Variants in CHST9 observed in about 807,000 individuals in gnomAD.
The protein encoded by CHST9 is carbohydrate sulfotransferase 9.
In CHST9, 41 loss-of-function variants were observed where a neutral mutation model predicts 44.4. The ratio of observed to expected loss-of-function variants is 0.92; its 90% confidence interval spans 0.72 to 1.20. CHST9 has a LOEUF of 1.20. Ranked by LOEUF, CHST9 falls within the 50% of genes most tolerant of loss-of-function variation. The pLI, the probability that CHST9 is intolerant of heterozygous loss-of-function variation, is 0.00. For missense variants in CHST9, 504 were observed against 516.5 expected (o/e 0.98, Z 0.23); for synonymous variants, 171 against 178.4 (o/e 0.96, Z 0.33).
At chr18:27,005,786 C>T (rs745761167) in intron 4 of CHST9, among the ~76,000 whole-genome samples, 9 of 152,078 alleles carry the variant, frequency 5.9e-5, no homozygotes, top group Non-Finnish European at 2.9e-5. Context: ...AGCTACGAAC[C>T]TTCTTCTTCC....
chr18:27,134,243 A>G (rs1889248307), intron 2 of CHST9, among the ~76,000 whole-genome samples: 1 of 152,206 alleles, frequency 6.6e-6, no homozygotes, highest in Non-Finnish European at 1.5e-5. Context: ...TATGCCAAAA[A>G]TATGCTTCAA....
intron 2 of CHST9, among the ~76,000 whole-genome samples, chr18:27,114,886 C>G (rs1460152707): frequency 6.6e-6 from 1 of 152,112 alleles, no homozygotes; most frequent in Admixed American, 6.5e-5. Flanking sequence ...TTGGCTGTGT[C>G]CCCACCCAAA....
At chr18:27,010,585 A>C (rs1477184791) in intron 4 of CHST9, among the ~76,000 whole-genome samples, 1 of 152,192 alleles carries the variant, frequency 6.6e-6, no homozygotes, top group African/African-American at 2.4e-5. Context: ...ATGAGGAACG[A>C]AACTGCTCTG....
rs140508342 is a variant in CHST9, at chr18:26,919,939, G to A, written c.241-2589C>T. 2.3e-3 allele frequency among the ~76,000 whole-genome samples: 355 copies of A among 152,210 alleles called. 1 individual carries two copies. The highest frequency in any genetic ancestry group is 3.1e-3 in the Non-Finnish European group (211 of 68,002). ...AGGGAGTGATTTCCCTGCAGCCCAC[G>A]GCTGCTTCCAGGACATCACCCAGCA... On this transcript the variant is annotated intron_variant, in intron 5 of 5. Transcript: ENST00000618847.
chr18:26,946,444 G>A (rs927880662), intron 4 of CHST9, among the ~76,000 whole-genome samples: 6 of 152,320 alleles, frequency 3.9e-5, no homozygotes, highest in Middle Eastern at 3.4e-3. Context: ...GGCATAGTGT[G>A]AGAGAGGCTA....
chr18:26,947,752 T>C (rs2056186326), intron 4 of CHST9, among the ~76,000 whole-genome samples: 1 of 152,064 alleles, frequency 6.6e-6, no homozygotes, highest in South Asian at 2.1e-4. Context: ...GAACAACAGG[T>C]GCTGGAGATA....
At chr18:27,053,603 GT>G (rs1162547521) in intron 2 of CHST9, among the ~76,000 whole-genome samples, 1 of 152,058 alleles carries the variant, frequency 6.6e-6, no homozygotes, top group African/African-American at 2.4e-5. Context: ...TTGTTTGTTG[GT>G]TTTTTCTGTC....
intron 1 of CHST9, among the ~76,000 whole-genome samples, chr18:27,154,132 G>A (rs556948643): frequency 4.6e-5 from 7 of 151,972 alleles, no homozygotes; most frequent in African/African-American, 1.7e-4. Flanking sequence ...CAATTTTAAG[G>A]TATAGTGAGG....
intron 4 of CHST9, among the ~76,000 whole-genome samples, chr18:27,010,751 G>A (rs2057073838): frequency 1.3e-5 from 2 of 152,192 alleles, no homozygotes; most frequent in South Asian, 2.1e-4. Context: ...AATGTCTCAA[G>A]GGATGATGGG....
At chr18:27,066,462 A>C (rs2057783339) in intron 2 of CHST9, among the ~76,000 whole-genome samples, 1 of 152,208 alleles carries the variant, frequency 6.6e-6, no homozygotes, top group South Asian at 2.1e-4. Flanking sequence ...TCTGTTTTTT[A>C]AATTTATTTT....
intron 3 of CHST9, among the ~76,000 whole-genome samples, chr18:27,037,836 GT>G (rs79786135): frequency 1.1e-3 from 148 of 132,724 alleles, no homozygotes; most frequent in Middle Eastern, 3.7e-3. Context: ...ATTTAGTTAA[GT>G]TTTTTTTTTT....
intron 2 of CHST9, among the ~76,000 whole-genome samples, chr18:27,120,437 C>T (rs1357990585): frequency 5.3e-5 from 8 of 152,166 alleles, no homozygotes; most frequent in Non-Finnish European, 1.2e-4. Flanking sequence ...CATTCTGCTT[C>T]CTTCTTGTTC....
Position 27,007,062 on chromosome 18 carries a change from C to T in CHST9, c.202+17054G>A, listed in dbSNP as rs77019499. Among the ~76,000 whole-genome samples, 445 of 152,258 alleles carry T rather than the reference C, an allele frequency of 2.9e-3. 1 individual carries two copies. Among genetic ancestry groups the T allele is most frequent in the African/African-American group, 0.01 (429 of 41,546 alleles). On this transcript the variant is annotated intron_variant, in intron 4 of 5. Transcript: ENST00000618847. ...CTCCTAAAATTCCACATTCAACAGGCGCAATCCCCACTCTGGTATCAAAGT... is the reference window on the plus strand; with the variant it reads ...CTCCTAAAATTCCACATTCAACAGGTGCAATCCCCACTCTGGTATCAAAGT...
At chr18:26,970,597 TTTG>T (rs2056528729) in intron 4 of CHST9, among the ~76,000 whole-genome samples, 1 of 152,040 alleles carries the variant, frequency 6.6e-6, no homozygotes, top group Non-Finnish European at 1.5e-5. Flanking sequence ...CCTGGCTAAT[TTTG>T]TATTTTTTGT....
intron 1 of CHST9, among the ~76,000 whole-genome samples, chr18:27,146,751 A>G (rs1193156035): frequency 2.0e-5 from 3 of 152,198 alleles, no homozygotes; most frequent in Non-Finnish European, 4.4e-5. Context: ...TACTTTTTAT[A>G]GTTGTATTTG....
intron 4 of CHST9, among the ~76,000 whole-genome samples, chr18:27,023,829 A>G (rs2057252185): frequency 6.6e-6 from 1 of 152,248 alleles, no homozygotes; most frequent in Non-Finnish European, 1.5e-5. Context: ...AAACTTTTTC[A>G]TATAAGGAAA....
At chr18:27,156,934 A>C (rs1289754707) in intron 1 of CHST9, among the ~76,000 whole-genome samples, 1 of 152,106 alleles carries the variant, frequency 6.6e-6, no homozygotes, top group East Asian at 1.9e-4. Context: ...TTTTCAAATA[A>C]ATATTTTTAT....
At chr18:27,121,219 G>T (rs9949089) in intron 2 of CHST9, among the ~76,000 whole-genome samples, 49,704 of 151,792 alleles carry the variant, frequency 0.33, 8,450 homozygotes, top group East Asian at 0.49. Flanking sequence ...TGCCCAGGTT[G>T]CTCTCAAACT....
At chr18:27,087,753 T>G (rs539891741) in intron 2 of CHST9, among the ~76,000 whole-genome samples, 8 of 152,214 alleles carry the variant, frequency 5.3e-5, no homozygotes, top group Non-Finnish European at 1.2e-4. Flanking sequence ...GATGACCTTA[T>G]TAGTGGGCTA....
Sources: allele counts gnomAD v4.1 joint callset (sites outside exome capture counted in the v4.1 genomes callset), GRCh38; gene constraint gnomAD v4.1.1; transcripts MANE v1.5; gene names NCBI Gene and HGNC (gene_info 2026-07-23, HGNC 2026-07-21).